Variants in CASQ2 observed in about 807,000 individuals in gnomAD.
CASQ2 encodes the protein calsequestrin-2.
In CASQ2, 49 loss-of-function variants were observed where a neutral mutation model predicts 46.5. The ratio of observed to expected loss-of-function variants is 1.05; its 90% CI spans 0.84 to 1.34. CASQ2 has a LOEUF of 1.34. Among genes scored for constraint, CASQ2 ranks in the 40% most tolerant of loss-of-function variants. The pLI is 0.00. For missense variants in CASQ2, 486 were observed against 481.3 expected, an observed-to-expected ratio of 1.01 and a Z score of -0.09; for synonymous variants, 174 against 168.5, an observed-to-expected ratio of 1.03 and a Z score of -0.25.
intron 8 of CASQ2, among the ~76,000 whole-genome samples, chr1:115,714,273 T>A (rs1001827367): frequency 6.6e-6 from 1 of 152,204 alleles, no homozygotes; most frequent in African/African-American, 2.4e-5. Flanking sequence ...ATCTTCCTCA[T>A]AGTCATGATG....
At chr1:115,750,111 T>TTG (rs1243077571) in intron 1 of CASQ2, among the ~76,000 whole-genome samples, 5 of 152,224 alleles carry the variant, frequency 3.3e-5, no homozygotes, top group African/African-American at 1.2e-4. Context: ...GGTGGATTGG[T>TTG]CCAAGTACTT....
chr1:115,761,471 A>AGAGGAG (rs1648948080), intron 1 of CASQ2, among the ~76,000 whole-genome samples: 2 of 14,540 alleles, frequency 1.4e-4, no homozygotes, highest in East Asian at 3.2e-3. Flanking sequence ...AAGGAGAAGA[A>AGAGGAG]GAAGAAGAAG....
At chr1:115,740,635 G>A (rs1040689695) in intron 3 of CASQ2, 93 bp downstream of exon 3, 1 of 839,296 alleles carries the variant, frequency 1.2e-6, no homozygotes, top group Admixed American at 1.9e-5. Flanking sequence ...GATGAGGCCA[G>A]GTTCTCCAGC....
Position 115,700,760 on chromosome 1 carries a change from G to C in CASQ2, c.*481C>G. 2.4e-6 allele frequency: 1 copy of C among 423,202 alleles called. No homozygotes were observed. The allele number at this position is 423,202 out of a possible 1,614,324, so 26.2% of individuals were successfully genotyped here. A position where few individuals can be genotyped will look rare whatever the true frequency, so the allele number is the denominator to read the frequency against. ...TCTCTAAGAAGGATCATCTTGGCTG[G>C]AGGAGGGATCCCAACTGATGTTCGA... On this transcript the variant is annotated 3_prime_UTR_variant, in exon 11 of 11. Transcript: ENST00000261448.
At chr1:115,702,807 C>T in intron 10 of CASQ2, 114 bp downstream of exon 10, 1 of 825,686 alleles carries the variant, frequency 1.2e-6, no homozygotes, top group Non-Finnish European at 2.0e-6. Flanking sequence ...AGCAGGACCC[C>T]TGCCCTCTTC....
chr1:115,730,559 C>T (rs1367081662), intron 5 of CASQ2, among the ~76,000 whole-genome samples: 1 of 152,162 alleles, frequency 6.6e-6, no homozygotes, highest in East Asian at 1.9e-4. Context: ...AATGTTTCCC[C>T]AACTTTTAGA....
intron 1 of CASQ2, among the ~76,000 whole-genome samples, chr1:115,757,732 A>T (rs1648811072): frequency 6.6e-6 from 1 of 152,208 alleles, no homozygotes; most frequent in South Asian, 2.1e-4. Context: ...AATCAATTTT[A>T]CCCATATTTT....
chr1:115,725,497 C>T lies in CASQ2; in HGVS notation c.783+11G>A. On this transcript the variant is annotated intron_variant, in intron 7 of 10. Coordinates refer to ENST00000261448, the MANE Select transcript of CASQ2 (RefSeq NM_001232.4). ...TCTCTACAAGGCAAAGAGAGTTTGCCTCTTTCTTACCCATGTTTCAAACAT... is the reference window on the plus strand; with the variant it reads ...TCTCTACAAGGCAAAGAGAGTTTGCTTCTTTCTTACCCATGTTTCAAACAT... 1.2e-6 allele frequency: 2 copies of T among 1,609,510 alleles called. No homozygotes were observed. The highest frequency in any genetic ancestry group is 1.7e-5 in the Admixed American group (1 of 59,466).
rs934406907 is a variant in CASQ2, at chr1:115,761,248, T to C, written c.234+7060A>G. On this transcript the variant is annotated intron_variant, in intron 1 of 10. Transcript: ENST00000261448. ...CCTGTCTCTACTAAAAATACAAAAA[T>C]TAGCCAGGCATGATGGTGGGCACCT... Among the ~76,000 whole-genome samples, 4 of 148,408 alleles carry C rather than the reference T, an allele frequency of 2.7e-5. No homozygotes were observed. In the Admixed American group the frequency reaches 2.7e-4, roughly 10 times the overall value.
rs147393720 is a variant in CASQ2 at position 115,714,988 on chromosome 1, A to G, written c.838+2852T>C. 3.0e-3 allele frequency among the ~76,000 whole-genome samples: 455 copies of G among 152,332 alleles called. 1 individual carries two copies. Among genetic ancestry groups the G allele is most frequent in the African/African-American group, 0.01 (424 of 41,570 alleles). On this transcript the variant is annotated intron_variant, in intron 8 of 10. Transcript: ENST00000261448. ...AATCTCGGTCAAACAGGTTCTTACA[A>G]CTTCAGGGAGGCCTCTTTGTTCTAT...
intron 2 of CASQ2, among the ~76,000 whole-genome samples, chr1:115,741,849 G>T (rs1000924236): frequency 6.6e-6 from 1 of 152,168 alleles, no homozygotes; most frequent in African/African-American, 2.4e-5. Flanking sequence ...TAATTCCTTA[G>T]ATTGTTGTAA....
rs1015062488 is a variant in CASQ2, at chr1:115,700,433, T to G, written c.*808A>C. 2 of 152,936 alleles carry G rather than the reference T, an allele frequency of 1.3e-5. No individual in the cohort carries two copies. Among genetic ancestry groups the G allele is most frequent in the Admixed American group, 6.5e-5 (1 of 15,344 alleles). The allele number at this position is 152,936 out of a possible 1,614,324, so 9.5% of individuals were successfully genotyped here. A position where few individuals can be genotyped will look rare whatever the true frequency, so the allele number is the denominator to read the frequency against. On this transcript the variant is annotated 3_prime_UTR_variant, in exon 11 of 11. Transcript: ENST00000261448. Reference sequence around the variant, plus strand: ...AAGCCAGCTGACCCAATCAGAGACATGAACCCATCAGAAAAATGTAAAAGT... The same window carrying G: ...AAGCCAGCTGACCCAATCAGAGACAGGAACCCATCAGAAAAATGTAAAAGT...
Position 115,728,063 on chromosome 1 carries a change from C to T in CASQ2, c.607-941G>A, listed in dbSNP as rs566970278. On this transcript the variant is annotated intron_variant, in intron 5 of 10. Transcript: ENST00000261448. ...AGTTCAGAGCTGTGGTTCAAGAAAG[C>T]GCAGGGATGAACAGTGGTTCCCTTT... Among the ~76,000 whole-genome samples, 5 of 152,246 alleles carry T rather than the reference C, an allele frequency of 3.3e-5. No individual in the cohort carries two copies. In the South Asian group the frequency reaches 8.3e-4, roughly 25 times the overall value.
Position 115,761,488 on chromosome 1 carries a change from G to GAAGAAGA in CASQ2, c.234+6819_234+6820insTCTTCTT, listed in dbSNP as rs1557806828. ...GGAGAAGAAGAAGAAGAAGAAGAAG[G>GAAGAAGA]AGAAGAAGGAGAAGAAGAAGAAGAA... On this transcript the variant is annotated intron_variant, in intron 1 of 10. Transcript: ENST00000261448. Among the ~76,000 whole-genome samples, 55 of 13,112 alleles carry GAAGAAGA rather than the reference G, an allele frequency of 4.2e-3. 1 individual carries two copies. Among genetic ancestry groups the GAAGAAGA allele is most frequent in the African/African-American group, 4.8e-3 (12 of 2,522 alleles). The allele number at this position is 13,112 out of a possible 152,430, so 8.6% of individuals were successfully genotyped here.
chr1:115,707,961 GT>G (rs1654412815), intron 8 of CASQ2, among the ~76,000 whole-genome samples: 1 of 152,228 alleles, frequency 6.6e-6, no homozygotes, highest in Non-Finnish European at 1.5e-5. Flanking sequence ...GACAGGATCT[GT>G]GACCCAGAAC....
At chr1:115,701,507 T>A in intron 10 of CASQ2, 81 bp from the exon 11 acceptor site, 1 of 894,344 alleles carries the variant, frequency 1.1e-6, no homozygotes, top group South Asian at 1.4e-5. Context: ...TGAATAGCTA[T>A]GCTGAGTGCC....
chr1:115,732,539 A>C (rs2101085541), intron 5 of CASQ2, among the ~76,000 whole-genome samples: 1 of 152,324 alleles, frequency 6.6e-6, no homozygotes, highest in South Asian at 2.1e-4. Flanking sequence ...ACGCAGTAGA[A>C]GGGGAAGTAT....
chr1:115,743,654 A>G (rs1276853628), intron 2 of CASQ2, among the ~76,000 whole-genome samples: 1 of 150,830 alleles, frequency 6.6e-6, no homozygotes, highest in Non-Finnish European at 1.5e-5. Flanking sequence ...ACGGACTTTT[A>G]TGTACCTGAA....
intron 4 of CASQ2, 58 bp downstream of exon 4, chr1:115,738,166 A>G: frequency 9.6e-7 from 1 of 1,038,746 alleles, no homozygotes; most frequent in East Asian, 2.4e-5. Context: ...GTAACCTGAC[A>G]TACCTTGTTT....
Sources: allele counts gnomAD v4.1 joint callset (sites outside exome capture counted in the v4.1 genomes callset), GRCh38; gene constraint gnomAD v4.1.1; transcripts MANE v1.5; gene names NCBI Gene and HGNC (gene_info 2026-07-23, HGNC 2026-07-21).